The following PLCB4 variants were observed in gnomAD, a reference collection of about 807,000 sequenced individuals.
The protein encoded by PLCB4 is 1-phosphatidylinositol 4,5-bisphosphate phosphodiesterase beta-4.
Under a neutral mutation model 178.8 loss-of-function variants are expected in PLCB4, and 77 were observed. That is an observed-to-expected ratio of 0.43 (90% CI 0.36 to 0.52). The LOEUF (loss-of-function observed/expected upper bound fraction) is 0.52. PLCB4 is among the 20% of genes least tolerant of loss of function. The pLI, the probability that PLCB4 is intolerant of heterozygous loss-of-function variation, is 0.00. For missense variants in PLCB4, 1,024 were observed against 1,453.4 expected, an observed-to-expected ratio of 0.70 and a Z score of 4.80; for synonymous variants, 496 against 490.8, an observed-to-expected ratio of 1.01 and a Z score of -0.14.
At chr20:9,336,744 G>GA (rs60145494) in intron 4 of PLCB4, among the ~76,000 whole-genome samples, 6 of 147,496 alleles carry the variant, frequency 4.1e-5, no homozygotes, top group East Asian at 2.0e-4. Flanking sequence ...AAAAAAAAAA[G>GA]AAAAAAAACA....
At chr20:9,162,789 G>C (rs779876842) in intron 2 of PLCB4, among the ~76,000 whole-genome samples, 1 of 145,316 alleles carries the variant, frequency 6.9e-6, no homozygotes, top group Non-Finnish European at 1.5e-5. Context: ...TGCAATATTA[G>C]CTCATTTAAA....
chr20:9,265,219 A>G (rs2094337266), intron 3 of PLCB4, among the ~76,000 whole-genome samples: 1 of 152,154 alleles, frequency 6.6e-6, no homozygotes, highest in African/African-American at 2.4e-5. Context: ...GTGGTGGCTC[A>G]TGTCTGCAAT....
chr20:9,269,679 C>G (rs1005770711), intron 3 of PLCB4, among the ~76,000 whole-genome samples: 6 of 150,388 alleles, frequency 4.0e-5, no homozygotes, highest in African/African-American at 1.5e-4. Context: ...GAGATCAAGG[C>G]AAAGAAAAGA....
At chr20:9,333,781 TAGA>T (rs1238838961) in intron 4 of PLCB4, among the ~76,000 whole-genome samples, 3 of 152,160 alleles carry the variant, frequency 2.0e-5, no homozygotes, top group East Asian at 1.9e-4. Flanking sequence ...CGAAATATTA[TAGA>T]AGAAGACTTG....
chr20:9,197,129 C>T (rs935168079), intron 2 of PLCB4, among the ~76,000 whole-genome samples: 3 of 152,164 alleles, frequency 2.0e-5, no homozygotes, highest in Non-Finnish European at 4.4e-5. Context: ...CTTGTAATAA[C>T]CAGAACTTAG....
At chr20:9,427,892 G>A (rs908679853) in intron 28 of PLCB4, among the ~76,000 whole-genome samples, 1 of 152,098 alleles carries the variant, frequency 6.6e-6, no homozygotes, top group Non-Finnish European at 1.5e-5. Context: ...GCCTCCCAGC[G>A]CTTTGTTCCT....
intron 25 of PLCB4, 58 bp from the exon 26 acceptor site, chr20:9,419,749 C>T (rs543823094): frequency 5.9e-5 from 60 of 1,019,708 alleles, no homozygotes; most frequent in Non-Finnish European, 8.1e-5. Flanking sequence ...TTTCAACTAG[C>T]GAGTGTTTTA....
intron 2 of PLCB4, among the ~76,000 whole-genome samples, chr20:9,192,831 G>A (rs2093423257): frequency 6.6e-6 from 1 of 152,004 alleles, no homozygotes; most frequent in Non-Finnish European, 1.5e-5. Context: ...TGTCAAGACA[G>A]TAATAGCAGA....
intron 2 of PLCB4, among the ~76,000 whole-genome samples, chr20:9,146,242 A>G (rs1195386864): frequency 6.6e-6 from 1 of 152,086 alleles, no homozygotes; most frequent in Non-Finnish European, 1.5e-5. Context: ...ATGTGAGACA[A>G]TATTAGTGCT....
chr20:9,098,988 A>G (rs6056402), intron 2 of PLCB4, among the ~76,000 whole-genome samples: 97,489 of 151,054 alleles, frequency 0.65, 31,955 homozygotes, highest in Middle Eastern at 0.77. Flanking sequence ...CATTCCTGCT[A>G]TAAGGAAATA....
chr20:9,424,736 A>G (rs555905522), intron 28 of PLCB4, among the ~76,000 whole-genome samples: 1 of 152,272 alleles, frequency 6.6e-6, no homozygotes, highest in South Asian at 2.1e-4. Flanking sequence ...CATTATTGTG[A>G]GGTGCTTATC....
intron 2 of PLCB4, among the ~76,000 whole-genome samples, chr20:9,098,721 G>A (rs537104928): frequency 1.4e-4 from 18 of 131,788 alleles, no homozygotes; most frequent in African/African-American, 3.0e-4. Context: ...ATATACGTGT[G>A]TGTGTATATA....
intron 3 of PLCB4, among the ~76,000 whole-genome samples, chr20:9,299,276 T>C (rs2094676938): frequency 6.6e-6 from 1 of 152,080 alleles, no homozygotes; most frequent in African/African-American, 2.4e-5. Context: ...AGTTTTAAAA[T>C]TGTATCCTCC....
At chr20:9,413,827 C>T (rs184375659) in intron 25 of PLCB4, among the ~76,000 whole-genome samples, 123 of 152,266 alleles carry the variant, frequency 8.1e-4, no homozygotes, top group African/African-American at 2.7e-3. Flanking sequence ...GTGGTGCAAA[C>T]GTGGCTCATT....
chr20:9,334,915 A>G (rs1440860311), intron 4 of PLCB4, among the ~76,000 whole-genome samples: 1 of 152,088 alleles, frequency 6.6e-6, no homozygotes, highest in Non-Finnish European at 1.5e-5. Flanking sequence ...GAAGGAAGAA[A>G]AGAATTTTGT....
At chr20:9,173,540 C>A (rs2093101050) in intron 2 of PLCB4, among the ~76,000 whole-genome samples, 1 of 152,132 alleles carries the variant, frequency 6.6e-6, no homozygotes, top group African/African-American at 2.4e-5. Context: ...TCAAATAGGC[C>A]TGCAGGACCG....
At chr20:9,214,342 C>A (rs1302946330) in intron 2 of PLCB4, among the ~76,000 whole-genome samples, 1 of 152,090 alleles carries the variant, frequency 6.6e-6, no homozygotes, top group Non-Finnish European at 1.5e-5. Context: ...GTGTGAGATA[C>A]CATATGTGGT....
At chr20:9,246,560 C>T (rs2094128325) in intron 3 of PLCB4, among the ~76,000 whole-genome samples, 1 of 151,974 alleles carries the variant, frequency 6.6e-6, no homozygotes, top group South Asian at 2.1e-4. Flanking sequence ...TGTCATATAG[C>T]ACTTTTTTTT....
At chr20:9,136,030 C>A (rs2092374873) in intron 2 of PLCB4, among the ~76,000 whole-genome samples, 1 of 152,102 alleles carries the variant, frequency 6.6e-6, no homozygotes, top group Non-Finnish European at 1.5e-5. Context: ...AAGCTGGGGA[C>A]TAGAAGTCAA....
Sources: allele counts gnomAD v4.1 joint callset (sites outside exome capture counted in the v4.1 genomes callset), GRCh38; gene constraint gnomAD v4.1.1; transcripts MANE v1.5; gene names NCBI Gene and HGNC (gene_info 2026-07-23, HGNC 2026-07-21).